The following GRIA4 variants were observed in gnomAD, a reference collection of about 807,000 sequenced individuals.
GRIA4 encodes the protein glutamate receptor 4.
A neutral mutation model predicts 104.0 loss-of-function variants in GRIA4; 34 were observed. That is an observed-to-expected ratio of 0.33 (90% CI 0.25 to 0.44). The LOEUF (loss-of-function observed/expected upper bound fraction) is 0.44. Ranked by LOEUF, GRIA4 falls within the 20% of genes least tolerant of loss-of-function variation. The pLI is 1.00. For synonymous variants in GRIA4, 386 were observed against 381.9 expected (o/e 1.01, Z -0.13); for missense variants, 750 against 1,096.5 (o/e 0.68, Z 4.46).
intron 10 of GRIA4, chr11:105,913,440 T>C (rs1465973238): frequency 1.8e-5 from 8 of 449,478 alleles, no homozygotes; most frequent in Non-Finnish European, 2.3e-5. Flanking sequence ...ATTAATATCA[T>C]CATTTTTATC....
intron 3 of GRIA4, among the ~76,000 whole-genome samples, chr11:105,655,836 G>C (rs1951827566): frequency 6.6e-6 from 1 of 152,062 alleles, no homozygotes; most frequent in Admixed American, 6.6e-5. Flanking sequence ...ATAATCCTTT[G>C]AGTATATACT....
intron 3 of GRIA4, among the ~76,000 whole-genome samples, chr11:105,637,909 A>G (rs1951251567): frequency 6.6e-6 from 1 of 152,212 alleles, no homozygotes; most frequent in African/African-American, 2.4e-5. Context: ...GTTGCAAGTT[A>G]ACATAGATAA....
intron 4 of GRIA4, among the ~76,000 whole-genome samples, chr11:105,809,820 C>T (rs943806054): frequency 2.6e-5 from 4 of 152,182 alleles, no homozygotes; most frequent in African/African-American, 9.6e-5. Flanking sequence ...ACTAGTACAG[C>T]TACCAAACGC....
intron 4 of GRIA4, among the ~76,000 whole-genome samples, chr11:105,822,717 T>C (rs1322212932): frequency 2.0e-5 from 3 of 152,138 alleles, no homozygotes; most frequent in African/African-American, 7.2e-5. Flanking sequence ...TTTAATATCT[T>C]CTTAACATAA....
intron 6 of GRIA4, among the ~76,000 whole-genome samples, chr11:105,894,583 T>G (rs986483488): frequency 1.3e-5 from 2 of 152,046 alleles, no homozygotes; most frequent in Non-Finnish European, 2.9e-5. Flanking sequence ...TTTTCGTAGA[T>G]AGCCAAACAG....
At chr11:105,692,255 T>TTA (rs1021408410) in intron 3 of GRIA4, among the ~76,000 whole-genome samples, 2 of 139,644 alleles carry the variant, frequency 1.4e-5, no homozygotes, top group African/African-American at 5.1e-5. Context: ...CTCTTTTTTT[T>TTA]AAAAAAAAAA....
At chr11:105,701,121 T>C (rs1278965847) in intron 3 of GRIA4, among the ~76,000 whole-genome samples, 1 of 152,202 alleles carries the variant, frequency 6.6e-6, no homozygotes, top group Non-Finnish European at 1.5e-5. Flanking sequence ...AAGTTTTTCT[T>C]GGTCTCCTGA....
At chr11:105,657,305 C>G (rs1951872961) in intron 3 of GRIA4, among the ~76,000 whole-genome samples, 1 of 151,940 alleles carries the variant, frequency 6.6e-6, no homozygotes, top group Non-Finnish European at 1.5e-5. Context: ...ACACCAAAAT[C>G]TCGAAGTCAC....
chr11:105,748,334 C>T (rs1939788178), intron 3 of GRIA4, among the ~76,000 whole-genome samples: 2 of 151,952 alleles, frequency 1.3e-5, no homozygotes, highest in South Asian at 2.1e-4. Flanking sequence ...TGTCTATCCC[C>T]AGAGAATGAG....
chr11:105,945,143 C>T (rs1186713820), intron 14 of GRIA4, among the ~76,000 whole-genome samples: 1 of 152,066 alleles, frequency 6.6e-6, no homozygotes, highest in East Asian at 1.9e-4. Flanking sequence ...AGGTGCCCAC[C>T]ATGATGCGCC....
intron 6 of GRIA4, among the ~76,000 whole-genome samples, chr11:105,888,476 C>CG (rs1391606435): frequency 6.6e-6 from 1 of 150,894 alleles, no homozygotes. Context: ...TTAGTAGAGA[C>CG]GGGGTTTCAC....
Position 105,883,065 on chromosome 11 carries a change from C to T in GRIA4, c.673-4454C>T, listed in dbSNP as rs568827245. 3.3e-5 allele frequency among the ~76,000 whole-genome samples: 5 copies of T among 152,174 alleles called. No homozygotes were observed. The East Asian group carries it at 9.6e-4, about 29-fold the overall frequency. On this transcript the variant is annotated intron_variant, in intron 5 of 16. Coordinates refer to ENST00000282499, the MANE Select transcript of GRIA4 (RefSeq NM_000829.4). The stretch of plus-strand genomic sequence containing the variant: ...ACCATGGATATTCCTAAACAACTCT[C>T]TGCTTCTTAAAAAACAAAAACAAAA...
At chr11:105,891,279 G>C (rs1259159444) in intron 6 of GRIA4, among the ~76,000 whole-genome samples, 4 of 152,084 alleles carry the variant, frequency 2.6e-5, no homozygotes, top group Admixed American at 1.3e-4. Context: ...AGACTTACTT[G>C]CTAATACGTG....
At chr11:105,816,377 G>A (rs1333715237) in intron 4 of GRIA4, among the ~76,000 whole-genome samples, 5 of 152,030 alleles carry the variant, frequency 3.3e-5, no homozygotes, top group Admixed American at 2.0e-4. Context: ...CATCCCTCTT[G>A]ATCCTGTTCT....
intron 3 of GRIA4, among the ~76,000 whole-genome samples, chr11:105,744,638 A>G (rs1324813761): frequency 6.6e-6 from 1 of 152,184 alleles, no homozygotes; most frequent in Non-Finnish European, 1.5e-5. Flanking sequence ...CTCTAGACCC[A>G]GGACTTCAAG....
chr11:105,839,749 C>T (rs1267175439), intron 4 of GRIA4, among the ~76,000 whole-genome samples: 5 of 151,924 alleles, frequency 3.3e-5, no homozygotes, highest in African/African-American at 1.2e-4. Context: ...AAATTACACA[C>T]CTAATTCTAG....
At chr11:105,672,446 G>T (rs1017767426) in intron 3 of GRIA4, among the ~76,000 whole-genome samples, 1 of 152,086 alleles carries the variant, frequency 6.6e-6, no homozygotes, top group African/African-American at 2.4e-5. Context: ...TCAAGTTACT[G>T]AGAAAAATTA....
chr11:105,725,892 C>G (rs1336374898), intron 3 of GRIA4, among the ~76,000 whole-genome samples: 2 of 152,152 alleles, frequency 1.3e-5, no homozygotes, highest in Non-Finnish European at 2.9e-5. Context: ...ATGGTCTTTG[C>G]AACCCACAAA....
chr11:105,754,239 G>A, intron 4 of GRIA4, among the ~76,000 whole-genome samples: 1 of 152,118 alleles, frequency 6.6e-6, no homozygotes, highest in Non-Finnish European at 1.5e-5. Context: ...GTAATAGTAA[G>A]TCAGGAAACA....
Sources: allele counts gnomAD v4.1 joint callset (sites outside exome capture counted in the v4.1 genomes callset), GRCh38; gene constraint gnomAD v4.1.1; transcripts MANE v1.5; gene names NCBI Gene and HGNC (gene_info 2026-07-23, HGNC 2026-07-21).